The following RGS4 variants were observed in gnomAD, a reference collection of about 807,000 sequenced individuals.
RGS4 encodes the protein regulator of G protein signaling 4.
Under a neutral mutation model 21.6 loss-of-function variants are expected in RGS4, and 15 were observed. The ratio of observed to expected loss-of-function variants is 0.69; its 90% CI spans 0.46 to 1.07. The LOEUF is 1.07. RGS4 is among the 50% of genes least tolerant of loss of function. The pLI is 0.00. For missense variants in RGS4, 237 were observed against 239.0 expected, an observed-to-expected ratio of 0.99 and a Z score of 0.06; for synonymous variants, 94 against 85.5, an observed-to-expected ratio of 1.10 and a Z score of -0.55.
rs1406526175 is a variant in RGS4 at position 163,075,911 on chromosome 1, G to A, written c.*1351G>A. The A allele has an allele frequency of 6.6e-6, 1 of 152,358 alleles. No individual in the cohort carries two copies. The highest frequency in any genetic ancestry group is 1.5e-5 in the Non-Finnish European group (1 of 67,992). 9.4% of individuals were successfully genotyped at this position (152,358 alleles called of 1,614,324 possible). ...CAAACATCGGGGCTAACAGAGACTG[G>A]AGGCATTTCTTTTTAGGCTCTGAGA... On this transcript the variant is annotated 3_prime_UTR_variant, in exon 5 of 5. Transcript: ENST00000367909.
rs1389489091 is a variant in RGS4, at chr1:163,069,386, A to C, written c.-99A>C. The stretch of plus-strand genomic sequence containing the variant: ...AAGACGCTCAGAGGATTCTGACAAT[A>C]TCTTTACCGGAGAAGAGGCAAAGTA... On this transcript the variant is annotated 5_prime_UTR_variant, in exon 1 of 5. Transcript: ENST00000367909. The C allele has an allele frequency of 6.3e-7, 1 of 1,586,894 alleles. No homozygotes were observed. Among genetic ancestry groups the C allele is most frequent in the Admixed American group, 1.8e-5 (1 of 55,928 alleles).
chr1:163,072,124 A>C (rs191596255), intron 1 of RGS4: 2 of 1,144,970 alleles, frequency 1.7e-6, no homozygotes, highest in Non-Finnish European at 2.1e-6. Context: ...GGGCATATAA[A>C]GGCTTCTCAG....
chr1:163,070,146 T>C (rs1343614097), intron 1 of RGS4, among the ~76,000 whole-genome samples: 1 of 152,198 alleles, frequency 6.6e-6, no homozygotes, highest in African/African-American at 2.4e-5. Context: ...ATATTGATCA[T>C]TACAAATCAG....
chr1:163,070,850 G>A (rs1655276945), intron 1 of RGS4: 1 of 152,100 alleles, frequency 6.6e-6, no homozygotes, highest in Non-Finnish European at 1.5e-5. Context: ...TCAATAAATT[G>A]CAAATCATCT....
In RGS4 at chr1:163,069,492, A is replaced by G. The variant is rs901225642; in HGVS notation, c.8A>G (p.Lys3Arg). 3.1e-6 allele frequency: 5 copies of G among 1,613,532 alleles called. No individual in the cohort carries two copies. Among genetic ancestry groups the G allele is most frequent in the Non-Finnish European group, 4.2e-6 (5 of 1,179,740 alleles). MC[K>R]GLAGLPASCL... ...TCCAAGCTGTTAAATAAGATGTGCAAAGGGCTTGCAGGTCTGCCGGCTTCT... is the reference window on the plus strand; with the variant it reads ...TCCAAGCTGTTAAATAAGATGTGCAGAGGGCTTGCAGGTCTGCCGGCTTCT... The change falls in exon 1 of 5, where the codon AAA becomes AGA. Residue 3 changes from lysine to arginine, a missense_variant. Lys to Arg is a conservative substitution (Grantham distance 26, BLOSUM62 2). Coordinates refer to ENST00000367909, the MANE Select transcript of RGS4 (RefSeq NM_005613.6).
At chr1:163,068,884 G>T (rs1203470497), upstream of RGS4, 47 of 1,283,846 alleles carry the variant, frequency 3.7e-5, no homozygotes, top group Non-Finnish European at 4.7e-5. Context: ...GCGTGGAGAC[G>T]ATGATCCTGC....
Position 163,069,473 on chromosome 1 carries a change from C to G in RGS4, c.-12C>G. ...TTCTTTCCTGCTTGCGAATTCCAAG[C>G]TGTTAAATAAGATGTGCAAAGGGCT... On this transcript the variant is annotated 5_prime_UTR_variant, in exon 1 of 5. Transcript: ENST00000367909. 1 of 1,613,540 alleles carries G rather than the reference C, an allele frequency of 6.2e-7. No homozygotes were observed. The highest frequency in any genetic ancestry group is 1.1e-5 in the South Asian group (1 of 91,078).
chr1:163,076,057 G>A lies in RGS4; in HGVS notation c.*1497G>A, dbSNP rs1655484949. 1 of 152,552 alleles carries A rather than the reference G, an allele frequency of 6.6e-6. No homozygotes were observed. Among genetic ancestry groups the A allele is most frequent in the African/African-American group, 2.4e-5 (1 of 41,432 alleles). The allele number at this position is 152,552 out of a possible 1,614,324, so 9.4% of individuals were successfully genotyped here. ...AAAACTTCTCATTTATGTTATTTAT[G>A]ATGTTATTTTGTACGTGTTATTATT... is the stretch of plus-strand genomic sequence containing the variant. On this transcript the variant is annotated 3_prime_UTR_variant, in exon 5 of 5. Coordinates refer to ENST00000367909, the MANE Select transcript of RGS4 (RefSeq NM_005613.6).
chr1:163,073,836 A>C, intron 4 of RGS4: 1 of 473,970 alleles, frequency 2.1e-6, no homozygotes, highest in East Asian at 3.5e-5. Flanking sequence ...TATCACCCTA[A>C]TGTGCTATCA....
rs1288478915 is a variant in RGS4 at position 163,072,490 on chromosome 1, T to C, written c.140T>C (p.Ile47Thr). The change falls in exon 2 of 5, where the codon ATT becomes ACT. Residue 47 changes from isoleucine (I) to threonine (T), a missense_variant. Physicochemically the swap from Ile to Thr is moderately conservative, Grantham distance 89. Transcript: ENST00000367909. Reference sequence around the variant, plus strand: ...CACAACAAGAAGGACAAAGTGGTTATTTGCCAGAGGTAAGAGAAAAGGCCT... The same window carrying C: ...CACAACAAGAAGGACAAAGTGGTTACTTGCCAGAGGTAAGAGAAAAGGCCT... ...SSHNKKDKVV[I>T]CQRVSQEEVK... 6.2e-7 allele frequency: 1 copy of C among 1,609,696 alleles called. No individual in the cohort carries two copies. The highest frequency in any genetic ancestry group is 1.1e-5 in the South Asian group (1 of 90,998).
chr1:163,072,220 C>A, intron 1 of RGS4, 175 bp from the exon 2 acceptor site: 1 of 800,658 alleles, frequency 1.2e-6, no homozygotes, highest in Non-Finnish European at 1.6e-6. Context: ...TGTAGCAAGT[C>A]ATAGGGAACC....
upstream of RGS4, chr1:163,069,063 G>A (rs10917671): frequency 0.42 from 641,469 of 1,539,632 alleles, 134,914 homozygotes; most frequent in East Asian, 0.49. Flanking sequence ...TTTTTTACAG[G>A]CATATGAATA....
chr1:163,069,048 A>AT (rs914434222), upstream of RGS4: 6,786 of 1,119,602 alleles, frequency 6.1e-3, 3 homozygotes, highest in African/African-American at 7.7e-3. Context: ...CTTCCTTGAT[A>AT]TTTTTTTTTT....
chr1:163,071,212 C>T (rs1459471949), intron 1 of RGS4, among the ~76,000 whole-genome samples: 2 of 152,024 alleles, frequency 1.3e-5, no homozygotes, highest in Non-Finnish European at 2.9e-5. Flanking sequence ...CCTGAACAGT[C>T]ATCAGTCAGG....
intron 1 of RGS4, among the ~76,000 whole-genome samples, chr1:163,070,929 T>C (rs1655279646): frequency 6.6e-6 from 1 of 152,086 alleles, no homozygotes; most frequent in African/African-American, 2.4e-5. Flanking sequence ...GTCACATAGG[T>C]GGTGGGTGAG....
chr1:163,072,773 C>T (rs1302173717), intron 2 of RGS4, 32 bp from the exon 3 acceptor site: 5 of 1,583,630 alleles, frequency 3.2e-6, no homozygotes, highest in Middle Eastern at 1.7e-4. Flanking sequence ...CCATGGCATT[C>T]CAATTATTCT....
Position 163,073,542 on chromosome 1 carries a change from A to G in RGS4, c.298A>G (p.Lys100Glu), listed in dbSNP as rs762306735. 1 of 1,612,482 alleles carries G rather than the reference A, an allele frequency of 6.2e-7. No individual in the cohort carries two copies. The highest frequency in any genetic ancestry group is 8.5e-7 in the Non-Finnish European group (1 of 1,179,272). The stretch of plus-strand genomic sequence containing the variant: ...CTGGATCAGCTGTGAAGAGTACAAG[A>G]AAATCAAATCACCATCTAAACTAAG... ...DFWISCEEYK[K>E]IKSPSKLSPK... The change falls in exon 4 of 5, where the codon AAA becomes GAA. Residue 100 changes from lysine to glutamate, a missense_variant. Transcript: ENST00000367909.
At chr1:163,071,854 T>TTCCCCCCC (rs1655315613) in intron 1 of RGS4, 1 of 2,084 alleles carries the variant, frequency 4.8e-4, no homozygotes, top group Admixed American at 4.3e-3. Context: ...AGGAACTGCT[T>TTCCCCCCC]GCCCCCCCCC....
intron 1 of RGS4, 152 bp from the exon 2 acceptor site, chr1:163,072,243 G>C: frequency 1.2e-6 from 1 of 858,706 alleles, no homozygotes; most frequent in South Asian, 2.3e-5. Flanking sequence ...GAGGAATCTT[G>C]TTTTCCTCAG....
Sources: allele counts gnomAD v4.1 joint callset (sites outside exome capture counted in the v4.1 genomes callset), GRCh38; gene constraint gnomAD v4.1.1; transcripts MANE v1.5; gene names NCBI Gene and HGNC (gene_info 2026-07-23, HGNC 2026-07-21).